Variants in VPS4B observed in about 807,000 individuals in gnomAD.
VPS4B encodes vacuolar protein sorting 4 homolog B.
A neutral mutation model predicts 56.1 loss-of-function variants in VPS4B; 23 were observed. The ratio of observed to expected loss-of-function variants is 0.41; its 90% CI spans 0.30 to 0.58. The LOEUF (loss-of-function observed/expected upper bound fraction) is 0.58. VPS4B is among the 20% of genes least tolerant of loss of function. The pLI is 0.29. For synonymous variants in VPS4B, 177 were observed against 186.0 expected, an observed-to-expected ratio of 0.95 and a Z score of 0.39; for missense variants, 372 against 531.9, an observed-to-expected ratio of 0.70 and a Z score of 2.96.
intron 1 of VPS4B, among the ~76,000 whole-genome samples, chr18:63,414,871 A>G (rs1310544983): frequency 6.6e-6 from 1 of 152,218 alleles, no homozygotes. Flanking sequence ...ATTTTTATTA[A>G]GTTAAATCTC....
intron 1 of VPS4B, among the ~76,000 whole-genome samples, chr18:63,418,415 ATT>A (rs879324994): frequency 1.4e-5 from 2 of 144,506 alleles, no homozygotes; most frequent in Non-Finnish European, 3.1e-5. Context: ...TAGTTTTAGT[ATT>A]TTTTTTTTTT....
intron 9 of VPS4B, chr18:63,396,815 C>G (rs1325421220): frequency 2.0e-6 from 1 of 497,528 alleles, no homozygotes; most frequent in Non-Finnish European, 3.6e-6. Context: ...ATGGTGAAAT[C>G]CTGTCTCTAC....
At chr18:63,404,486 G>A (rs1418221242) in intron 4 of VPS4B, 1 of 152,096 alleles carries the variant, frequency 6.6e-6, no homozygotes, top group East Asian at 1.9e-4. Context: ...TACAACTTTT[G>A]TTAATTAACA....
chr18:63,390,133 G>C lies in VPS4B; in HGVS notation c.*842C>G, dbSNP rs1366903269. 6.6e-6 allele frequency: 1 copy of C among 152,334 alleles called. No individual in the cohort carries two copies. Among genetic ancestry groups the C allele is most frequent in the Admixed American group, 6.5e-5 (1 of 15,270 alleles). The allele number at this position is 152,334 out of a possible 1,614,324, so 9.4% of individuals were successfully genotyped here. On this transcript the variant is annotated 3_prime_UTR_variant, in exon 11 of 11. Transcript: ENST00000238497. The stretch of plus-strand genomic sequence containing the variant: ...TCGGCGCCCAGGCTGGAATGCAGTA[G>C]CGCGATCTCAGCTCACTGCAACCTC...
At chr18:63,400,024 G>GA (rs772616167) in intron 7 of VPS4B, 24 bp downstream of exon 7, 2,069 of 1,476,186 alleles carry the variant, frequency 1.4e-3, no homozygotes, top group Admixed American at 3.0e-3. Flanking sequence ...GTCTCAAAAA[G>GA]AAAAAAAAAA....
chr18:63,396,242 G>A (rs1269557729), intron 9 of VPS4B: 1 of 151,952 alleles, frequency 6.6e-6, no homozygotes, highest in Admixed American at 6.6e-5. Flanking sequence ...AAACACATTA[G>A]GATGATTAAT....
chr18:63,421,759 T>C (rs756087929), intron 1 of VPS4B, among the ~76,000 whole-genome samples: 4 of 152,156 alleles, frequency 2.6e-5, no homozygotes, highest in East Asian at 1.9e-4. Context: ...TTCACGGAGA[T>C]TGCATGCAGG....
At chr18:63,421,919 T>C (rs1158269236) in intron 1 of VPS4B, among the ~76,000 whole-genome samples, 2 of 152,158 alleles carry the variant, frequency 1.3e-5, no homozygotes, top group Admixed American at 6.5e-5. Flanking sequence ...TTGCAAAAAT[T>C]ACGTTCTTTC....
chr18:63,414,283 T>C (rs1279334358), intron 1 of VPS4B, among the ~76,000 whole-genome samples: 2 of 150,628 alleles, frequency 1.3e-5, no homozygotes, highest in Non-Finnish European at 3.0e-5. Context: ...GTCAGGAGAA[T>C]CGCTTGAATC....
chr18:63,409,539 T>C (rs1915987991), intron 3 of VPS4B, among the ~76,000 whole-genome samples: 1 of 152,136 alleles, frequency 6.6e-6, no homozygotes, highest in Non-Finnish European at 1.5e-5. Context: ...TGGCATCAAT[T>C]AATAGGACAG....
chr18:63,391,667 G>C (rs1915552577), intron 10 of VPS4B, among the ~76,000 whole-genome samples: 1 of 152,096 alleles, frequency 6.6e-6, no homozygotes, highest in Admixed American at 6.5e-5. Context: ...GAGGATCAAG[G>C]CCTCCAAAGT....
chr18:63,406,293 A>C (rs1265993501), intron 4 of VPS4B, among the ~76,000 whole-genome samples: 2 of 152,190 alleles, frequency 1.3e-5, no homozygotes, highest in African/African-American at 4.8e-5. Flanking sequence ...TGGCATCTAA[A>C]GATGTTCTCT....
chr18:63,399,442 C>G, intron 7 of VPS4B, 119 bp from the exon 8 acceptor site: 1 of 828,666 alleles, frequency 1.2e-6, no homozygotes, highest in Non-Finnish European at 1.9e-6. Flanking sequence ...TCTTGAGAGT[C>G]TGTCTTTGGA....
chr18:63,405,905 G>C (rs978237933), intron 4 of VPS4B, among the ~76,000 whole-genome samples: 1 of 151,804 alleles, frequency 6.6e-6, no homozygotes, highest in Non-Finnish European at 1.5e-5. Flanking sequence ...AGAATCCCTG[G>C]AACCCAGGAG....
chr18:63,391,715 T>C (rs1037761806), intron 10 of VPS4B, among the ~76,000 whole-genome samples: 3 of 152,238 alleles, frequency 2.0e-5, no homozygotes, highest in African/African-American at 4.8e-5. Context: ...TCTCTTTTTC[T>C]TAAACGAGAT....
At chr18:63,393,295 A>G in intron 10 of VPS4B, 114 bp downstream of exon 10, 1 of 975,686 alleles carries the variant, frequency 1.0e-6, no homozygotes, top group Admixed American at 3.8e-5. Context: ...AGTCAACAAT[A>G]TTAAGTAAAA....
At chr18:63,413,364 C>T (rs865840327) in intron 1 of VPS4B, among the ~76,000 whole-genome samples, 4 of 152,056 alleles carry the variant, frequency 2.6e-5, no homozygotes, top group African/African-American at 9.7e-5. Flanking sequence ...CACAGTGAAA[C>T]CCCGTCTCTA....
intron 1 of VPS4B, among the ~76,000 whole-genome samples, chr18:63,413,872 G>A (rs866354690): frequency 6.6e-6 from 1 of 152,160 alleles, no homozygotes; most frequent in Non-Finnish European, 1.5e-5. Context: ...TATTGTAGCA[G>A]GGAAGAAAAA....
intron 7 of VPS4B, 29 bp from the exon 8 acceptor site, chr18:63,399,352 AATTT>A (rs774806364): frequency 1.3e-6 from 2 of 1,593,090 alleles, no homozygotes; most frequent in South Asian, 1.1e-5. Flanking sequence ...TGCTTTAATT[AATTT>A]GTCATTTTGG....
Sources: gnomAD v4.1 joint callset for allele counts (sites outside exome capture counted in the v4.1 genomes callset) on GRCh38, gnomAD v4.1.1 for gene constraint, MANE v1.5 for transcripts, NCBI Gene and HGNC (gene_info 2026-07-23, HGNC 2026-07-21) for gene names.